Variants in CNTLN observed in about 807,000 individuals in gnomAD.
CNTLN encodes the protein centlein, also known as centlein, centrosomal protein.
CNTLN carries 212 observed loss-of-function variants against 180.0 expected under a neutral mutation model. The ratio of observed to expected loss-of-function variants is 1.18; its 90% CI spans 1.05 to 1.32. The LOEUF is 1.32. Among genes scored for constraint, CNTLN ranks in the 40% most tolerant of loss-of-function variants. CNTLN has a pLI of 0.00. For missense variants in CNTLN, 2,095 were observed against 1,610.9 expected (o/e 1.30, Z -5.14); for synonymous variants, 722 against 563.1 (o/e 1.28, Z -3.99).
At chr9:17,524,532 C>G in the CNTLN span, among the ~76,000 whole-genome samples, 4 of 152,232 alleles carry the variant, frequency 2.6e-5, no homozygotes, top group Non-Finnish European at 4.4e-5. Flanking sequence ...GAAACATTCT[C>G]ATAGACACAC....
chr9:17,462,949 A>C lies in CNTLN; in HGVS notation c.3340A>C (p.Asn1114His). The part of the protein sequence containing the change: ...ATNELTKQSS[N>H]VKTLKFELLA... ...TAATGAACTCACTAAACAGTCATCA[A>C]ATGTGAAGACTTTGAAATTTGAACT... is the stretch of plus-strand genomic sequence containing the variant. The change falls in exon 20 of 26, where the codon AAT (asparagine) becomes CAT (histidine). Residue 1114 changes from asparagine to histidine, a missense_variant. Coordinates refer to ENST00000380647, the MANE Select transcript of CNTLN (RefSeq NM_017738.4). The C allele has an allele frequency of 6.3e-7, 1 of 1,579,886 alleles. No individual in the cohort carries two copies. Among genetic ancestry groups the C allele is most frequent in the African/African-American group, 1.4e-5 (1 of 72,334 alleles).
chr9:17,300,738 G>A (rs1818286740), intron 7 of CNTLN: 1 of 153,262 alleles, frequency 6.5e-6, no homozygotes. Flanking sequence ...ACAACCTGTG[G>A]GACTCTACAT....
chr9:17,424,501 C>A (rs1187134048), intron 18 of CNTLN, among the ~76,000 whole-genome samples: 1 of 152,154 alleles, frequency 6.6e-6, no homozygotes, highest in Non-Finnish European at 1.5e-5. Context: ...CAGAGACAAA[C>A]TACCAGAATC....
Position 17,171,303 on chromosome 9 carries a change from T to C in CNTLN, c.449+27927T>C, listed in dbSNP as rs537646238. Among the ~76,000 whole-genome samples the C allele has an allele frequency of 3.3e-4, 50 of 152,348 alleles. 1 individual carries two copies. Among genetic ancestry groups the C allele is most frequent in the African/African-American group, 1.2e-3 (49 of 41,586 alleles). On this transcript the variant is annotated intron_variant, in intron 2 of 25. Coordinates refer to ENST00000380647, the MANE Select transcript of CNTLN (RefSeq NM_017738.4). ...GCAGTCACTTCTAGACTTTACACAT[T>C]GATTTCAGTGGCCAAAGACTTTCAC...
chr9:17,242,427 C>G (rs558035249), intron 5 of CNTLN, among the ~76,000 whole-genome samples: 1 of 152,232 alleles, frequency 6.6e-6, no homozygotes, highest in East Asian at 1.9e-4. Context: ...CTTGCCTCAG[C>G]TTCCTGAGTA....
At position 17,135,268 on chromosome 9, in the gene CNTLN, G is replaced by C. The variant is rs909498933; in HGVS notation, c.203G>C (p.Gly68Ala). Residue 68 changes from glycine (G) to alanine (A), a missense_variant, in exon 1 of 26, where the codon GGG becomes GCG. Physicochemically the swap from Gly to Ala is moderately conservative, Grantham distance 60. Coordinates refer to ENST00000380647, the MANE Select transcript of CNTLN (RefSeq NM_017738.4). ...VGEEGSGGRR[G>A]PGGAAPAHAP... Reference sequence around the variant, plus strand: ...GAAGAAGGGTCAGGGGGCCGGCGAGGGCCTGGGGGGGCAGCTCCGGCTCAT... The same window carrying C: ...GAAGAAGGGTCAGGGGGCCGGCGAGCGCCTGGGGGGGCAGCTCCGGCTCAT... 6.2e-7 allele frequency: 1 copy of C among 1,602,126 alleles called. No individual in the cohort carries two copies. The highest frequency in any genetic ancestry group is 1.3e-5 in the African/African-American group (1 of 74,866).
intron 25 of CNTLN, among the ~76,000 whole-genome samples, chr9:17,490,268 C>G (rs1364540673): frequency 6.6e-6 from 1 of 151,904 alleles, no homozygotes; most frequent in Non-Finnish European, 1.5e-5. Flanking sequence ...TGGATGTGGC[C>G]TGGCCATGGT....
intron 1 of CNTLN, among the ~76,000 whole-genome samples, chr9:17,137,745 G>A (rs1441655002): frequency 6.6e-6 from 1 of 152,064 alleles, no homozygotes; most frequent in African/African-American, 2.4e-5. Context: ...TCAACTTATG[G>A]GAATTCAGTG....
intron 6 of CNTLN, among the ~76,000 whole-genome samples, chr9:17,297,162 C>T (rs1192821192): frequency 6.6e-6 from 1 of 152,028 alleles, no homozygotes; most frequent in Admixed American, 6.5e-5. Context: ...TTTTTCTTGT[C>T]ATTATTCCCT....
intron 5 of CNTLN, among the ~76,000 whole-genome samples, chr9:17,266,323 T>C (rs1344564508): frequency 6.6e-6 from 1 of 152,188 alleles, no homozygotes; most frequent in Non-Finnish European, 1.5e-5. Context: ...ACCAGGTTGT[T>C]GAGTTTCCAT....
chr9:17,422,179 G>T (rs190597668), intron 18 of CNTLN, among the ~76,000 whole-genome samples: 5 of 152,062 alleles, frequency 3.3e-5, no homozygotes, highest in African/African-American at 1.2e-4. Context: ...TACGATAAAC[G>T]TTCTTTTCTT....
At chr9:17,307,403 G>A (rs1425627690) in intron 7 of CNTLN, among the ~76,000 whole-genome samples, 1 of 151,952 alleles carries the variant, frequency 6.6e-6, no homozygotes, top group Admixed American at 6.6e-5. Flanking sequence ...CAAGTAGCTG[G>A]GACTACAGGT....
chr9:17,484,192 A>T, intron 23 of CNTLN, 103 bp from the exon 24 acceptor site: 1 of 879,710 alleles, frequency 1.1e-6, no homozygotes, highest in Non-Finnish European at 1.8e-6. Context: ...GAGTAATCCT[A>T]GTAAAAAAAT....
chr9:17,341,417 G>A (rs1371157965), intron 11 of CNTLN, among the ~76,000 whole-genome samples: 3 of 152,140 alleles, frequency 2.0e-5, no homozygotes, highest in Non-Finnish European at 1.5e-5. Flanking sequence ...GCAATTTGAA[G>A]ATCTTTACTA....
chr9:17,202,653 T>TTTTTTTTTTG (rs1822622656), intron 2 of CNTLN, among the ~76,000 whole-genome samples: 1 of 107,406 alleles, frequency 9.3e-6, no homozygotes, highest in Admixed American at 9.0e-5. Context: ...TCTGTTTTTT[T>TTTTTTTTTTG]TTTTTTTTTT....
chr9:17,223,510 T>C (rs1824276966), intron 2 of CNTLN, among the ~76,000 whole-genome samples: 1 of 152,050 alleles, frequency 6.6e-6, no homozygotes, highest in Admixed American at 6.6e-5. Flanking sequence ...TTCTTCCAGT[T>C]GTGTAGGCAA....
At chr9:17,316,537 C>G (rs1050346133) in intron 8 of CNTLN, among the ~76,000 whole-genome samples, 1 of 152,060 alleles carries the variant, frequency 6.6e-6, no homozygotes, top group Non-Finnish European at 1.5e-5. Context: ...ATTGGTTTAT[C>G]TGGTTTTAGC....
intron 5 of CNTLN, among the ~76,000 whole-genome samples, chr9:17,244,631 TACC>T (rs1825696329): frequency 6.6e-6 from 1 of 152,186 alleles, no homozygotes; most frequent in Non-Finnish European, 1.5e-5. Flanking sequence ...TTGTTTCATT[TACC>T]TGTAGCATTA....
intron 12 of CNTLN, among the ~76,000 whole-genome samples, chr9:17,359,725 C>A (rs77295316): frequency 0.22 from 4,740 of 21,222 alleles, 567 homozygotes; most frequent in South Asian, 0.38. Context: ...ACTAAAAATA[C>A]AAAAAAAAAA....
Sources: allele counts gnomAD v4.1 joint callset (sites outside exome capture counted in the v4.1 genomes callset), GRCh38; gene constraint gnomAD v4.1.1; transcripts MANE v1.5; gene names NCBI Gene and HGNC (gene_info 2026-07-23, HGNC 2026-07-21).